The following CDH8 variants were observed in gnomAD, a reference collection of about 807,000 sequenced individuals.
CDH8 encodes cadherin-8.
Under a neutral mutation model 68.1 loss-of-function variants are expected in CDH8, and 17 were observed. That is an observed-to-expected ratio of 0.25 (90% confidence interval 0.17 to 0.37). The LOEUF is 0.37. Ranked by LOEUF, CDH8 falls within the 10% of genes least tolerant of loss-of-function variation. The pLI is 1.00. For missense variants in CDH8, 763 were observed against 999.3 expected (o/e 0.76, Z 3.19); for synonymous variants, 372 against 365.1 (o/e 1.02, Z -0.21).
intron 2 of CDH8, among the ~76,000 whole-genome samples, chr16:61,991,116 C>T (rs1458424158): frequency 6.6e-6 from 1 of 152,110 alleles, no homozygotes; most frequent in East Asian, 1.9e-4. Flanking sequence ...TCTTCACTAA[C>T]AATACTCAGC....
chr16:61,989,518 G>A (rs1046915779), intron 2 of CDH8, among the ~76,000 whole-genome samples: 1 of 152,136 alleles, frequency 6.6e-6, no homozygotes, highest in South Asian at 2.1e-4. Context: ...CACATTCAGA[G>A]ATAAAACCAG....
intron 10 of CDH8, among the ~76,000 whole-genome samples, chr16:61,669,702 C>T (rs1741007411): frequency 2.0e-5 from 3 of 151,944 alleles, no homozygotes; most frequent in Admixed American, 2.0e-4. Context: ...TCCGCTATGC[C>T]ATTTGTATCT....
chr16:62,033,151 C>A (rs556400763), intron 1 of CDH8, among the ~76,000 whole-genome samples: 1 of 152,260 alleles, frequency 6.6e-6, no homozygotes, highest in African/African-American at 2.4e-5. Flanking sequence ...CTCAAGTGGT[C>A]TTCTCCATCC....
chr16:62,024,249 C>T (rs1050042837), intron 1 of CDH8, among the ~76,000 whole-genome samples: 8 of 151,786 alleles, frequency 5.3e-5, no homozygotes, highest in African/African-American at 9.7e-5. Flanking sequence ...TGTATAACGG[C>T]GGAGGGAGGG....
chr16:61,684,820 T>C (rs1412145377), intron 10 of CDH8, among the ~76,000 whole-genome samples: 3 of 151,956 alleles, frequency 2.0e-5, no homozygotes, highest in Non-Finnish European at 4.4e-5. Flanking sequence ...TATGTGGCAT[T>C]TCTGGCAGCA....
chr16:61,794,609 C>T (rs1961455350), intron 7 of CDH8, among the ~76,000 whole-genome samples: 2 of 151,932 alleles, frequency 1.3e-5, no homozygotes, highest in African/African-American at 2.4e-5. Context: ...ACTTCTCTGT[C>T]CTTAAAGAAG....
chr16:61,770,561 AC>A (rs1960751377), intron 8 of CDH8, among the ~76,000 whole-genome samples: 1 of 151,964 alleles, frequency 6.6e-6, no homozygotes, highest in Non-Finnish European at 1.5e-5. Context: ...ACCAAGATCA[AC>A]AAGTTCCTCC....
In CDH8 at chr16:61,653,447, T is replaced by C; in HGVS notation, c.*161A>G. The C allele has an allele frequency of 7.1e-6, 10 of 1,418,166 alleles. No individual in the cohort carries two copies. Among genetic ancestry groups the C allele is most frequent in the Non-Finnish European group, 9.2e-6 (10 of 1,087,010 alleles). The allele number at this position is 1,418,166 out of a possible 1,614,324, so 87.8% of individuals were successfully genotyped here. On this transcript the variant is annotated 3_prime_UTR_variant, in exon 12 of 12. Coordinates refer to ENST00000577390, the MANE Select transcript of CDH8 (RefSeq NM_001796.5). ...CCTCCTAACATATACTTTTTTATTTTATTATCTTTTTTTGGTTCAACATTA... is the reference window on the plus strand; with the variant it reads ...CCTCCTAACATATACTTTTTTATTTCATTATCTTTTTTTGGTTCAACATTA...
At chr16:61,663,223 G>A (rs1963602971) in intron 10 of CDH8, among the ~76,000 whole-genome samples, 1 of 151,986 alleles carries the variant, frequency 6.6e-6, no homozygotes, top group Admixed American at 6.6e-5. Flanking sequence ...CTTAGTTTCA[G>A]GCAGCAGAGT....
chr16:61,896,977 G>C (rs1330641409), intron 3 of CDH8, among the ~76,000 whole-genome samples: 2 of 151,450 alleles, frequency 1.3e-5, no homozygotes, highest in African/African-American at 4.8e-5. Flanking sequence ...TAGAACCAGG[G>C]TTCAAACTCC....
chr16:61,722,041 G>A (rs1959222715), intron 9 of CDH8, among the ~76,000 whole-genome samples: 1 of 150,702 alleles, frequency 6.6e-6, no homozygotes, highest in African/African-American at 2.4e-5. Flanking sequence ...TGCAGTTACA[G>A]CTTCCTAAAT....
At chr16:62,016,938 C>T (rs1352801622) in intron 2 of CDH8, among the ~76,000 whole-genome samples, 1 of 152,090 alleles carries the variant, frequency 6.6e-6, no homozygotes, top group African/African-American at 2.4e-5. Flanking sequence ...TCTTCATGCC[C>T]ACTACCTCAA....
intron 8 of CDH8, among the ~76,000 whole-genome samples, chr16:61,760,271 T>A (rs1468161875): frequency 6.0e-5 from 9 of 150,338 alleles, no homozygotes; most frequent in Non-Finnish European, 1.5e-5. Context: ...ATAAAATATA[T>A]TTGGAAGAAA....
At chr16:61,765,904 A>G (rs1190543816) in intron 8 of CDH8, among the ~76,000 whole-genome samples, 1 of 152,032 alleles carries the variant, frequency 6.6e-6, no homozygotes, top group African/African-American at 2.4e-5. Context: ...AGATCTGTGA[A>G]CACTTTAATT....
chr16:62,004,519 C>G (rs944931502), intron 2 of CDH8, among the ~76,000 whole-genome samples: 3 of 152,072 alleles, frequency 2.0e-5, no homozygotes, highest in African/African-American at 7.2e-5. Context: ...GAAAAATAGA[C>G]AAGCCACCGG....
At chr16:61,969,759 C>A (rs1175111027) in intron 2 of CDH8, among the ~76,000 whole-genome samples, 1 of 152,164 alleles carries the variant, frequency 6.6e-6, no homozygotes, top group Non-Finnish European at 1.5e-5. Flanking sequence ...AAAATAAATC[C>A]AGTGTATGGA....
intron 3 of CDH8, among the ~76,000 whole-genome samples, chr16:61,899,057 C>T (rs1963920259): frequency 6.6e-6 from 1 of 152,032 alleles, no homozygotes; most frequent in Non-Finnish European, 1.5e-5. Flanking sequence ...TATGCACGTG[C>T]CATGGTGATT....
rs1963370743 is a variant in CDH8 at position 61,653,508 on chromosome 16, C to A, written c.*100G>T. The A allele has an allele frequency of 6.6e-7, 1 of 1,505,488 alleles. No individual in the cohort carries two copies. The highest frequency in any genetic ancestry group is 1.4e-5 in the African/African-American group (1 of 71,382). 93.3% of individuals were successfully genotyped at this position (1,505,488 alleles called of 1,614,324 possible). A position where few individuals can be genotyped will look rare whatever the true frequency, so the allele number is the denominator to read the frequency against. ...GAGTTTATAGATGACTGGTGCTAAACTTGCCTCTAAAACAAATAGCCACAT... is the reference window on the plus strand; with the variant it reads ...GAGTTTATAGATGACTGGTGCTAAAATTGCCTCTAAAACAAATAGCCACAT... On this transcript the variant is annotated 3_prime_UTR_variant, in exon 12 of 12. Transcript: ENST00000577390.
intron 8 of CDH8, among the ~76,000 whole-genome samples, chr16:61,754,497 T>A (rs1349143033): frequency 2.6e-5 from 4 of 151,978 alleles, no homozygotes; most frequent in Admixed American, 2.0e-4. Flanking sequence ...TTGTTTTTTT[T>A]ATTTTGTTTA....
Sources: allele counts gnomAD v4.1 joint callset (sites outside exome capture counted in the v4.1 genomes callset), GRCh38; gene constraint gnomAD v4.1.1; transcripts MANE v1.5; gene names NCBI Gene and HGNC (gene_info 2026-07-23, HGNC 2026-07-21).